Variants in PRKCA observed in about 807,000 individuals in gnomAD.
The protein encoded by PRKCA is protein kinase C alpha, also known as protein kinase C alpha type.
In PRKCA, 27 loss-of-function variants were observed where a neutral mutation model predicts 87.0. The ratio of observed to expected loss-of-function variants is 0.31; its 90% confidence interval spans 0.23 to 0.43. The LOEUF (loss-of-function observed/expected upper bound fraction) is 0.43, where lower values mean the gene tolerates loss of function less well. Among genes scored for constraint, PRKCA ranks in the 20% least tolerant of loss-of-function variants. The pLI is 1.00. For synonymous variants in PRKCA, 329 were observed against 311.1 expected (o/e 1.06, Z -0.61); for missense variants, 518 against 852.3 (o/e 0.61, Z 4.88).
chr17:66,778,071 A>G (rs1229847852), intron 14 of PRKCA: 1 of 985,286 alleles, frequency 1.0e-6, no homozygotes. Context: ...AGGTTTCCCT[A>G]CTAAGCTCAC....
At chr17:66,587,120 C>T (rs1023908132) in intron 3 of PRKCA, among the ~76,000 whole-genome samples, 3 of 152,260 alleles carry the variant, frequency 2.0e-5, no homozygotes, top group South Asian at 4.1e-4. Flanking sequence ...GGATGTTGAA[C>T]GTGATAGTAT....
At chr17:66,307,719 G>A (rs1266009298) in intron 2 of PRKCA, among the ~76,000 whole-genome samples, 1 of 152,122 alleles carries the variant, frequency 6.6e-6, no homozygotes, top group Non-Finnish European at 1.5e-5. Flanking sequence ...TTCCCCCAGA[G>A]CATCTCTTGA....
chr17:66,594,413 C>G (rs1403640839), intron 3 of PRKCA, among the ~76,000 whole-genome samples: 2 of 152,168 alleles, frequency 1.3e-5, no homozygotes, highest in Non-Finnish European at 2.9e-5. Context: ...CTGTAGATTA[C>G]TTGTCCAGAT....
At chr17:66,422,998 C>T (rs1400791568) in intron 2 of PRKCA, among the ~76,000 whole-genome samples, 3 of 152,094 alleles carry the variant, frequency 2.0e-5, no homozygotes, top group Admixed American at 2.0e-4. Flanking sequence ...GTAATCCTAG[C>T]TACTCGGGAG....
At chr17:66,751,911 T>C (rs1306425566) in intron 13 of PRKCA, among the ~76,000 whole-genome samples, 3 of 152,228 alleles carry the variant, frequency 2.0e-5, no homozygotes, top group Non-Finnish European at 4.4e-5. Context: ...CCAGATCTCA[T>C]GAGAACTCTG....
chr17:66,573,986 T>C (rs1308689708), intron 3 of PRKCA, among the ~76,000 whole-genome samples: 3 of 152,156 alleles, frequency 2.0e-5, no homozygotes, highest in African/African-American at 7.2e-5. Flanking sequence ...TTAAAATTTT[T>C]TATATGGCCC....
At chr17:66,727,122 G>C (rs989842989) in intron 8 of PRKCA, among the ~76,000 whole-genome samples, 1 of 152,170 alleles carries the variant, frequency 6.6e-6, no homozygotes, top group African/African-American at 2.4e-5. Flanking sequence ...CCCAAACGCT[G>C]GTGGGACCTC....
chr17:66,737,219 C>G (rs372475747), intron 10 of PRKCA, among the ~76,000 whole-genome samples: 1 of 146,612 alleles, frequency 6.8e-6, no homozygotes, highest in African/African-American at 2.5e-5. Flanking sequence ...AAAAATTAGC[C>G]GGGCGTGGTG....
chr17:66,400,384 T>G (rs1910951223), intron 2 of PRKCA, among the ~76,000 whole-genome samples: 1 of 152,184 alleles, frequency 6.6e-6, no homozygotes, highest in South Asian at 2.1e-4. Flanking sequence ...ACTCCTGACC[T>G]CAAGTGATCC....
At chr17:66,626,302 C>G (rs573518387) in intron 3 of PRKCA, among the ~76,000 whole-genome samples, 19 of 151,646 alleles carry the variant, frequency 1.3e-4, no homozygotes, top group African/African-American at 4.4e-4. Context: ...ATCTTCCCAC[C>G]TCAGCCTCCC....
chr17:66,463,225 T>C (rs1381858180), intron 2 of PRKCA, among the ~76,000 whole-genome samples: 3 of 152,170 alleles, frequency 2.0e-5, no homozygotes, highest in Non-Finnish European at 4.4e-5. Flanking sequence ...CAGTTTTTGC[T>C]GACTTTTCTC....
At chr17:66,768,200 G>A (rs7210315) in intron 13 of PRKCA, among the ~76,000 whole-genome samples, 4 of 150,988 alleles carry the variant, frequency 2.6e-5, no homozygotes, top group Non-Finnish European at 5.9e-5. Context: ...CGCCTGGGCC[G>A]CCCAAAGTGC....
intron 2 of PRKCA, among the ~76,000 whole-genome samples, chr17:66,409,936 TAAAAG>T (rs1266104742): frequency 1.3e-5 from 2 of 152,052 alleles, no homozygotes; most frequent in East Asian, 1.9e-4. Context: ...AATAAATAAA[TAAAAG>T]AGAAGAAATC....
intron 13 of PRKCA, 122 bp from the exon 14 acceptor site, chr17:66,773,864 AC>A: frequency 6.8e-7 from 1 of 1,481,006 alleles, no homozygotes; most frequent in Non-Finnish European, 9.2e-7. Flanking sequence ...AACATCAAAG[AC>A]AGATCTTAGC....
At chr17:66,782,591 C>G (rs148613720) in intron 14 of PRKCA, among the ~76,000 whole-genome samples, 1 of 152,226 alleles carries the variant, frequency 6.6e-6, no homozygotes, top group Admixed American at 6.5e-5. Context: ...GCCAGTCGCT[C>G]TCTACGGGAT....
chr17:66,740,632 C>T (rs1366532076), intron 11 of PRKCA, among the ~76,000 whole-genome samples: 2 of 152,058 alleles, frequency 1.3e-5, no homozygotes, highest in African/African-American at 4.8e-5. Flanking sequence ...TTCAGAAATG[C>T]CTGTCCTTTT....
chr17:66,559,349 G>A (rs529646471), intron 3 of PRKCA, among the ~76,000 whole-genome samples: 4 of 151,706 alleles, frequency 2.6e-5, no homozygotes, highest in East Asian at 2.0e-4. Flanking sequence ...GGTGGTGGGC[G>A]CCTGTAATCC....
chr17:66,362,025 T>C (rs1195876031), intron 2 of PRKCA, among the ~76,000 whole-genome samples: 5 of 145,076 alleles, frequency 3.4e-5, no homozygotes, highest in African/African-American at 1.3e-4. Flanking sequence ...GGGGTTGAGC[T>C]CTTTCTTTCT....
intron 3 of PRKCA, among the ~76,000 whole-genome samples, chr17:66,605,255 T>A (rs1421613382): frequency 6.6e-6 from 1 of 152,204 alleles, no homozygotes; most frequent in East Asian, 1.9e-4. Context: ...GAGGACCAAG[T>A]AGTTTAGAAT....
Sources: gnomAD v4.1 joint callset for allele counts (sites outside exome capture counted in the v4.1 genomes callset) on GRCh38, gnomAD v4.1.1 for gene constraint, MANE v1.5 for transcripts, NCBI Gene and HGNC (gene_info 2026-07-23, HGNC 2026-07-21) for gene names.